CSMD1: variants seen among roughly 807,000 people sequenced by gnomAD.
The protein encoded by CSMD1 is CUB and sushi domain-containing protein 1.
A neutral mutation model predicts 417.5 loss-of-function variants in CSMD1; 213 were observed. The observed-to-expected ratio is 0.51, with a 90% CI of 0.46 to 0.57. CSMD1 has a LOEUF of 0.57. Among genes scored for constraint, CSMD1 ranks in the 20% least tolerant of loss-of-function variants. The pLI is 0.00. For synonymous variants in CSMD1, 2,862 were observed against 1,736.8 expected (o/e 1.65, Z -16.11); for missense variants, 6,923 against 4,529.7 (o/e 1.53, Z -15.17).
intron 1 of CSMD1, among the ~76,000 whole-genome samples, chr8:4,759,735 G>A (rs934095938): frequency 3.3e-5 from 5 of 152,106 alleles, no homozygotes; most frequent in African/African-American, 1.2e-4. Flanking sequence ...TCCTGAAAAA[G>A]ACAAGATCTC....
intron 46 of CSMD1, among the ~76,000 whole-genome samples, chr8:3,105,399 C>G (rs1162689081): frequency 1.3e-5 from 2 of 152,212 alleles, no homozygotes; most frequent in Non-Finnish European, 2.9e-5. Flanking sequence ...ATTTTGAAGT[C>G]ATAAAAACTA....
intron 7 of CSMD1, among the ~76,000 whole-genome samples, chr8:3,686,246 T>C (rs1181515307): frequency 2.0e-5 from 3 of 152,174 alleles, no homozygotes; most frequent in Non-Finnish European, 4.4e-5. Flanking sequence ...TCGTGGATAA[T>C]CAGAGCGCTT....
intron 3 of CSMD1, among the ~76,000 whole-genome samples, chr8:4,044,994 G>C (rs1028500130): frequency 3.3e-5 from 5 of 152,230 alleles, no homozygotes; most frequent in Admixed American, 3.3e-4. Flanking sequence ...TCTACTTCCT[G>C]TTTTATAATT....
intron 3 of CSMD1, among the ~76,000 whole-genome samples, chr8:4,068,986 T>C (rs1268883443): frequency 2.6e-5 from 4 of 152,228 alleles, no homozygotes; most frequent in Non-Finnish European, 5.9e-5. Flanking sequence ...AAACGTTGAA[T>C]GGCTTGGAAA....
At chr8:4,083,301 G>C (rs538693896) in intron 3 of CSMD1, among the ~76,000 whole-genome samples, 2 of 152,000 alleles carry the variant, frequency 1.3e-5, no homozygotes, top group African/African-American at 4.8e-5. Flanking sequence ...TTTAATGATC[G>C]CCATTCTAAC....
chr8:3,004,580 G>T (rs1196838666), intron 52 of CSMD1, among the ~76,000 whole-genome samples: 1 of 152,200 alleles, frequency 6.6e-6, no homozygotes, highest in Non-Finnish European at 1.5e-5. Flanking sequence ...AATGTATATA[G>T]ATAGACAATG....
At chr8:4,689,667 C>CT (rs982204574) in intron 1 of CSMD1, among the ~76,000 whole-genome samples, 143 of 151,950 alleles carry the variant, frequency 9.4e-4, no homozygotes, top group Admixed American at 2.4e-3. Context: ...CCCAAGTAAT[C>CT]TTTTTTTTGC....
At chr8:4,099,700 C>A (rs1034099257) in intron 3 of CSMD1, among the ~76,000 whole-genome samples, 1 of 152,112 alleles carries the variant, frequency 6.6e-6, no homozygotes, top group Non-Finnish European at 1.5e-5. Flanking sequence ...AAAACCTCTT[C>A]TTTTCTTTTG....
chr8:3,623,696 C>T (rs1271310424), intron 7 of CSMD1, among the ~76,000 whole-genome samples: 1 of 152,068 alleles, frequency 6.6e-6, no homozygotes, highest in East Asian at 1.9e-4. Flanking sequence ...GACTCCAGGG[C>T]CGGGCGTGGG....
intron 10 of CSMD1, among the ~76,000 whole-genome samples, chr8:3,540,289 G>A (rs185365660): frequency 6.6e-6 from 1 of 152,282 alleles, no homozygotes; most frequent in East Asian, 1.9e-4. Flanking sequence ...GGCAAACAGA[G>A]TTGAATAGGT....
intron 4 of CSMD1, among the ~76,000 whole-genome samples, chr8:4,024,815 A>G (rs1796980104): frequency 6.6e-6 from 1 of 152,224 alleles, no homozygotes; most frequent in Admixed American, 6.5e-5. Context: ...CTTCCTGAGT[A>G]TGACTTCAGG....
chr8:3,374,088 G>A lies in CSMD1; in HGVS notation c.2783-4718C>T, dbSNP rs369669003. Among the ~76,000 whole-genome samples, 160 of 151,992 alleles carry A rather than the reference G, an allele frequency of 1.1e-3. 2 individuals carry two copies. In the South Asian group the frequency reaches 0.032, roughly 30 times the overall value. On this transcript the variant is annotated intron_variant, in intron 18 of 69. Coordinates refer to ENST00000635120, the MANE Select transcript of CSMD1 (RefSeq NM_033225.6). ...CTCCCTCAGCCTCCTCAATAGCTGG[G>A]ATTACACACATGTATCACCACAGCC...
intron 7 of CSMD1, among the ~76,000 whole-genome samples, chr8:3,647,341 G>C (rs1797625847): frequency 6.6e-6 from 1 of 151,688 alleles, no homozygotes; most frequent in Non-Finnish European, 1.5e-5. Context: ...AGGTAAATAT[G>C]GCAGAGAGAG....
At chr8:4,351,347 T>C (rs991866106) in intron 3 of CSMD1, among the ~76,000 whole-genome samples, 3 of 152,224 alleles carry the variant, frequency 2.0e-5, no homozygotes, top group Non-Finnish European at 4.4e-5. Flanking sequence ...CAATGAAAAT[T>C]TGAGGCATCT....
intron 10 of CSMD1, among the ~76,000 whole-genome samples, chr8:3,561,305 A>C (rs116478913): frequency 0.01 from 1,555 of 152,328 alleles, 39 homozygotes; most frequent in African/African-American, 0.036. Context: ...AGGAAAGGAA[A>C]TCATTCTACG....
intron 18 of CSMD1, among the ~76,000 whole-genome samples, chr8:3,384,897 T>C (rs1341848130): frequency 8.2e-6 from 1 of 122,132 alleles, no homozygotes; most frequent in Non-Finnish European, 1.6e-5. Flanking sequence ...ATATAATATA[T>C]ATTATATATG....
At chr8:4,967,220 G>C (rs1809927654) in intron 1 of CSMD1, among the ~76,000 whole-genome samples, 1 of 152,166 alleles carries the variant, frequency 6.6e-6, no homozygotes, top group African/African-American at 2.4e-5. Context: ...GAGCACAGCA[G>C]TAAGTAAAAA....
intron 5 of CSMD1, among the ~76,000 whole-genome samples, chr8:3,926,148 G>C (rs1276316773): frequency 1.5e-5 from 2 of 134,786 alleles, no homozygotes; most frequent in South Asian, 2.4e-4. Flanking sequence ...GTGTGTATAG[G>C]TGGGGGTTTA....
intron 1 of CSMD1, among the ~76,000 whole-genome samples, chr8:4,758,412 T>G (rs1006324372): frequency 7.2e-5 from 11 of 152,146 alleles, no homozygotes; most frequent in African/African-American, 2.7e-4. Flanking sequence ...GGCCATAGAT[T>G]GTAGAACACA....
Sources: gnomAD v4.1 joint callset for allele counts (sites outside exome capture counted in the v4.1 genomes callset) on GRCh38, gnomAD v4.1.1 for gene constraint, MANE v1.5 for transcripts, NCBI Gene and HGNC (gene_info 2026-07-23, HGNC 2026-07-21) for gene names.